Variants in THADA observed in about 807,000 individuals in gnomAD.
The protein encoded by THADA is THADA armadillo repeat containing.
A neutral mutation model predicts 219.8 loss-of-function variants in THADA; 213 were observed. The observed-to-expected ratio is 0.97, with a 90% CI of 0.87 to 1.09. The LOEUF (loss-of-function observed/expected upper bound fraction) is 1.09. THADA is among the 50% of genes least tolerant of loss of function. THADA has a pLI of 0.00. For synonymous variants in THADA, 1,018 were observed against 828.9 expected, an observed-to-expected ratio of 1.23 and a Z score of -3.92; for missense variants, 2,956 against 2,311.3, an observed-to-expected ratio of 1.28 and a Z score of -5.72.
chr2:43,334,729 C>T (rs1033497539), intron 30 of THADA, among the ~76,000 whole-genome samples: 2 of 151,520 alleles, frequency 1.3e-5, no homozygotes, highest in African/African-American at 2.4e-5. Context: ...GAGCCGAGAT[C>T]GCGCCACTGC....
intron 29 of THADA, among the ~76,000 whole-genome samples, chr2:43,377,672 A>G (rs1671535839): frequency 6.6e-6 from 1 of 152,142 alleles, no homozygotes; most frequent in Non-Finnish European, 1.5e-5. Flanking sequence ...AGCAATCAAA[A>G]TTTCAGGTTT....
intron 26 of THADA, among the ~76,000 whole-genome samples, chr2:43,431,033 G>C (rs1466459380): frequency 1.3e-5 from 2 of 152,164 alleles, no homozygotes; most frequent in African/African-American, 4.8e-5. Context: ...TACGAAAGTA[G>C]AATAGTTCCT....
At chr2:43,583,401 C>T (rs1044867221) in intron 7 of THADA, among the ~76,000 whole-genome samples, 2 of 152,214 alleles carry the variant, frequency 1.3e-5, no homozygotes, top group South Asian at 2.1e-4. Context: ...GGGTTATTGC[C>T]ATAGCCTCCT....
At chr2:43,375,151 T>C (rs1408397875) in intron 29 of THADA, among the ~76,000 whole-genome samples, 1 of 152,212 alleles carries the variant, frequency 6.6e-6, no homozygotes, top group African/African-American at 2.4e-5. Flanking sequence ...AACATCTCTA[T>C]TCCTTACAGC....
intron 29 of THADA, among the ~76,000 whole-genome samples, chr2:43,344,555 A>G (rs1667421240): frequency 6.6e-6 from 1 of 152,254 alleles, no homozygotes; most frequent in Admixed American, 6.5e-5. Context: ...AAAGAAATGC[A>G]AACATCTTTA....
Position 43,590,828 on chromosome 2 carries a change from C to G in THADA, c.298G>C (p.Ala100Pro). 6.2e-7 allele frequency: 1 copy of G among 1,612,214 alleles called. No individual in the cohort carries two copies. Among genetic ancestry groups the G allele is most frequent in the Non-Finnish European group, 8.5e-7 (1 of 1,179,334 alleles). ...TTCCCTTCCTTTTTTTCTTACCTTGCCAATACTTTCTTCAAGGGATTCTTT... is the reference window on the plus strand; with the variant it reads ...TTCCCTTCCTTTTTTTCTTACCTTGGCAATACTTTCTTCAAGGGATTCTTT... ...SLKNPLKKVL[A>P]SSLNSLPDFF... The change falls in exon 4 of 38, where the codon GCA becomes CCA. Residue 100 changes from alanine to proline, a missense_variant. By Grantham distance (27) the Ala-to-Pro change is conservative. Coordinates refer to ENST00000405975, the MANE Select transcript of THADA (RefSeq NM_022065.5).
chr2:43,287,063 T>C lies in THADA; in HGVS notation c.5011-2A>G. The C allele has an allele frequency of 6.2e-7, 1 of 1,610,888 alleles. No homozygotes were observed. Among genetic ancestry groups the C allele is most frequent in the Non-Finnish European group, 8.5e-7 (1 of 1,178,078 alleles). On this transcript the variant is annotated splice_acceptor_variant, in intron 34 of 37. Coordinates refer to ENST00000405975, the MANE Select transcript of THADA (RefSeq NM_022065.5). LOFTEE classifies it high-confidence loss of function. ...CTCAGCAGCTATCAATTCCCTGTTC[T>C]AAAAGCACAAAATGTACCTATCAGT...
intron 22 of THADA, among the ~76,000 whole-genome samples, chr2:43,514,916 TGTATAATATATATTTTAC>T (rs1325270591): frequency 5.7e-5 from 4 of 70,074 alleles, no homozygotes; most frequent in African/African-American, 2.6e-4. Flanking sequence ...ATATATTTTA[TGTATAATATATATTTTAC>T]GTATATTTTA....
chr2:43,506,034 TTAAGAATCCTAAG>T (rs958010780), intron 23 of THADA, among the ~76,000 whole-genome samples: 16 of 152,322 alleles, frequency 1.1e-4, no homozygotes, highest in African/African-American at 3.8e-4. Flanking sequence ...TGACAACTCC[TTAAGAATCCTAAG>T]TAGGTGGCAG....
rs777118298 is a variant in THADA at position 43,527,891 on chromosome 2, T to C, written c.3362A>G (p.Glu1121Gly). 1.9e-5 allele frequency: 31 copies of C among 1,610,056 alleles called. No homozygotes were observed. In the South Asian group the frequency reaches 3.0e-4, roughly 15 times the overall value. ...ATATTTGTTTTACCTGTTTAGTACTTCAGTGAGTTTCACAAAACCAGTATA... is the reference window on the plus strand; with the variant it reads ...ATATTTGTTTTACCTGTTTAGTACTCCAGTGAGTTTCACAAAACCAGTATA... ...LAYTGFVKLTEVLNRCPNVSL... is the reference protein window; with the variant it reads ...LAYTGFVKLTGVLNRCPNVSL... The change falls in exon 22 of 38, where the codon GAA becomes GGA. Residue 1121 changes from glutamate (E) to glycine (G), a missense_variant. By Grantham distance (98) the Glu-to-Gly change is moderately conservative (BLOSUM62 -2). Coordinates refer to ENST00000405975, the MANE Select transcript of THADA (RefSeq NM_022065.5).
chr2:43,433,147 T>C (rs563049270), intron 26 of THADA, among the ~76,000 whole-genome samples: 5 of 152,112 alleles, frequency 3.3e-5, no homozygotes, highest in Admixed American at 6.5e-5. Context: ...TAGTGTGAGA[T>C]AGAGGTCAAG....
intron 15 of THADA, chr2:43,563,209 G>A (rs1470892730): frequency 6.6e-6 from 1 of 152,144 alleles, no homozygotes; most frequent in African/African-American, 2.4e-5. Context: ...TATAAGCACA[G>A]CTTTTGCTGC....
chr2:43,307,647 C>T (rs1373557589), intron 31 of THADA, among the ~76,000 whole-genome samples: 1 of 152,222 alleles, frequency 6.6e-6, no homozygotes, highest in Non-Finnish European at 1.5e-5. Context: ...GGATTGAACC[C>T]ACCAGAACTA....
chr2:43,274,998 CTTT>C (rs1002469067), intron 36 of THADA, among the ~76,000 whole-genome samples: 1 of 66,282 alleles, frequency 1.5e-5, no homozygotes, highest in Non-Finnish European at 3.4e-5. Context: ...CTTTTCTTTT[CTTT>C]TTTTTTTTTT....
At chr2:43,246,734 AT>A (rs1408785215) in intron 36 of THADA, among the ~76,000 whole-genome samples, 1 of 152,216 alleles carries the variant, frequency 6.6e-6, no homozygotes, top group African/African-American at 2.4e-5. Context: ...GGAATTTTAT[AT>A]CTTGAAATGG....
At chr2:43,418,594 A>G (rs1017531164) in intron 28 of THADA, among the ~76,000 whole-genome samples, 1 of 152,216 alleles carries the variant, frequency 6.6e-6, no homozygotes, top group African/African-American at 2.4e-5. Flanking sequence ...TGTGTGAGAC[A>G]TGCAGAAGAA....
chr2:43,268,118 T>C lies in THADA; in HGVS notation c.5296+11647A>G, dbSNP rs543583897. 3.3e-5 allele frequency among the ~76,000 whole-genome samples: 5 copies of C among 152,372 alleles called. No homozygotes were observed. The East Asian group carries it at 7.7e-4, about 23-fold the overall frequency. On this transcript the variant is annotated intron_variant, in intron 36 of 37. Coordinates refer to ENST00000405975, the MANE Select transcript of THADA (RefSeq NM_022065.5). ...CTGCTGTTCTCTGCCTCTGCTCCTG[T>C]AGATCAGCCTCACAAGAAATTCACT...
At chr2:43,568,695 T>C (rs546551555) in intron 14 of THADA, among the ~76,000 whole-genome samples, 1 of 152,274 alleles carries the variant, frequency 6.6e-6, no homozygotes, top group East Asian at 1.9e-4. Flanking sequence ...AATCTACCAA[T>C]GATCTAAGAG....
intron 15 of THADA, chr2:43,563,571 C>A (rs1002118260): frequency 3.9e-5 from 6 of 152,106 alleles, no homozygotes; most frequent in African/African-American, 1.4e-4. Flanking sequence ...GAAGAAGCAC[C>A]TTGTTTGGGA....
Sources: gnomAD v4.1 joint callset for allele counts (sites outside exome capture counted in the v4.1 genomes callset) on GRCh38, gnomAD v4.1.1 for gene constraint, MANE v1.5 for transcripts, NCBI Gene and HGNC (gene_info 2026-07-23, HGNC 2026-07-21) for gene names.